The following ARID4A variants were observed in gnomAD, a reference collection of about 807,000 sequenced individuals.
ARID4A encodes AT-rich interactive domain-containing protein 4A.
ARID4A carries 39 observed loss-of-function variants against 148.6 expected under a neutral mutation model. That is an observed-to-expected ratio of 0.26 (90% confidence interval 0.20 to 0.34). The LOEUF is 0.34. ARID4A is among the 10% of genes least tolerant of loss of function. ARID4A has a pLI of 1.00. For missense variants in ARID4A, 1,265 were observed against 1,449.1 expected, an observed-to-expected ratio of 0.87 and a Z score of 2.06; for synonymous variants, 475 against 481.2, an observed-to-expected ratio of 0.99 and a Z score of 0.17.
Position 58,373,612 on chromosome 14 carries a change from CA to C in ARID4A, c.*1630del, listed in dbSNP as rs958468757. On this transcript the variant is annotated 3_prime_UTR_variant, in exon 24 of 24. Coordinates refer to ENST00000355431, the MANE Select transcript of ARID4A (RefSeq NM_002892.4). ...TTCCATTTTCTCAGAGAATTAAAAA[CA>C]AAAAAAGTACTCTTGTAAAATGCAC... 4 of 175,730 alleles carry C rather than the reference CA, an allele frequency of 2.3e-5. No homozygotes were observed. The highest frequency in any genetic ancestry group is 4.9e-5 in the Non-Finnish European group (4 of 81,614). 10.9% of individuals were successfully genotyped at this position (175,730 alleles called of 1,614,324 possible).
intron 7 of ARID4A, among the ~76,000 whole-genome samples, chr14:58,323,259 C>T (rs1024932258): frequency 1.3e-5 from 2 of 151,954 alleles, no homozygotes; most frequent in African/African-American, 4.8e-5. Flanking sequence ...AGTCTAAGCA[C>T]TCATTGATCT....
chr14:58,318,798 C>G lies in ARID4A; in HGVS notation c.442C>G (p.Leu148Val). 1 of 1,611,916 alleles carries G rather than the reference C, an allele frequency of 6.2e-7. No individual in the cohort carries two copies. Among genetic ancestry groups the G allele is most frequent in the South Asian group, 1.1e-5 (1 of 90,922 alleles). Residue 148 changes from leucine to valine, a missense_variant, in exon 7 of 24, where the codon CTT becomes GTT. This residue lies in a region of ARID4A where 249 missense variants were observed against 277.2 expected (regional missense o/e 0.90). Transcript: ENST00000355431. ...GACGAACAGAGGAAGGAGATCTTCT[C>G]TTCCTGTGTGAGTTTTTTCATATAT... Reference protein sequence around the residue: ...KKTNRGRRSSLPVTEDEKEEE... With the variant: ...KKTNRGRRSSVPVTEDEKEEE...
chr14:58,335,997 C>T (rs2033796096), intron 11 of ARID4A, among the ~76,000 whole-genome samples: 1 of 151,806 alleles, frequency 6.6e-6, no homozygotes, highest in African/African-American at 2.4e-5. Flanking sequence ...GTTCTCTGTA[C>T]TGGATCTACA....
chr14:58,335,423 C>T (rs1224376307), intron 11 of ARID4A, among the ~76,000 whole-genome samples: 1 of 151,620 alleles, frequency 6.6e-6, no homozygotes, highest in African/African-American at 2.4e-5. Context: ...AAGCAATTCT[C>T]CTGCCTCAGC....
Position 58,365,259 on chromosome 14 carries a change from C to T in ARID4A, c.3170C>T (p.Thr1057Ile), listed in dbSNP as rs765377635. The stretch of plus-strand genomic sequence containing the variant: ...TTTGAAACTAATGTTGCCTCTGGTA[C>T]CTGTAGTATAATTGTACAAGAGAGA... ...NGFETNVASG[T>I]CSIIVQERES... Residue 1057 changes from threonine (T) to isoleucine (I), a missense_variant, in exon 20 of 24, where the codon ACC becomes ATC. Physicochemically the swap from Thr to Ile is moderately conservative, Grantham distance 89. Transcript: ENST00000355431. The T allele has an allele frequency of 1.9e-5, 30 of 1,613,644 alleles. 1 individual carries two copies. In the South Asian group the frequency reaches 3.3e-4, roughly 18 times the overall value.
intron 7 of ARID4A, among the ~76,000 whole-genome samples, chr14:58,320,428 G>A (rs1442442763): frequency 6.6e-6 from 1 of 151,906 alleles, no homozygotes; most frequent in Non-Finnish European, 1.5e-5. Flanking sequence ...ATAATATATG[G>A]TTAATATTTC....
chr14:58,322,980 A>ATATATAT (rs1555359733), intron 7 of ARID4A, among the ~76,000 whole-genome samples: 1 of 114,314 alleles, frequency 8.7e-6, no homozygotes, highest in Non-Finnish European at 1.7e-5. Context: ...AAAAAAAAAA[A>ATATATAT]ATATATATAT....
At chr14:58,343,839 A>G (rs1208382414) in intron 11 of ARID4A, among the ~76,000 whole-genome samples, 1 of 152,106 alleles carries the variant, frequency 6.6e-6, no homozygotes, top group Non-Finnish European at 1.5e-5. Context: ...TCAAAAAAAA[A>G]AAAGACAAAA....
intron 1 of ARID4A, 58 bp from the exon 2 acceptor site, chr14:58,299,740 T>C: frequency 6.8e-7 from 1 of 1,470,508 alleles, no homozygotes; most frequent in Non-Finnish European, 9.5e-7. Context: ...TTCTTTCCCT[T>C]GGTCGCTCCC....
chr14:58,302,516 G>A (rs2031260904), intron 3 of ARID4A, among the ~76,000 whole-genome samples: 2 of 151,806 alleles, frequency 1.3e-5, no homozygotes, highest in South Asian at 2.1e-4. Context: ...AAATTAACCT[G>A]GCATGGTGGT....
At chr14:58,311,014 G>A in intron 5 of ARID4A, among the ~76,000 whole-genome samples, 1 of 152,186 alleles carries the variant, frequency 6.6e-6, no homozygotes, top group Non-Finnish European at 1.5e-5. Flanking sequence ...GGGAGGCCGA[G>A]ACAGGTGGTT....
At chr14:58,306,352 T>C (rs2031597646) in intron 5 of ARID4A, among the ~76,000 whole-genome samples, 1 of 152,222 alleles carries the variant, frequency 6.6e-6, no homozygotes, top group East Asian at 1.9e-4. Context: ...TAGGTTACTT[T>C]GATGTTTCTT....
intron 23 of ARID4A, among the ~76,000 whole-genome samples, chr14:58,371,309 G>A (rs1260236779): frequency 6.6e-6 from 1 of 152,156 alleles, no homozygotes; most frequent in Non-Finnish European, 1.5e-5. Flanking sequence ...CAAGGAAAGA[G>A]AAGATAAAAG....
At chr14:58,349,875 C>A (rs1461506024) in intron 15 of ARID4A, among the ~76,000 whole-genome samples, 1 of 152,036 alleles carries the variant, frequency 6.6e-6, no homozygotes, top group African/African-American at 2.4e-5. Context: ...CTTTGGTAGG[C>A]CGAGGCGGGC....
rs910173040 is a variant in ARID4A, at chr14:58,370,783, GT to G, written c.3671-1095del. The stretch of plus-strand genomic sequence containing the variant: ...GCCACCACACCCAGCTAATTTTTTA[GT>G]TTTTTTTGTAGAGGCATATTCTCAC... On this transcript the variant is annotated intron_variant, in intron 23 of 23. Transcript: ENST00000355431. 4.0e-5 allele frequency among the ~76,000 whole-genome samples: 6 copies of G among 148,608 alleles called. No homozygotes were observed. The East Asian group carries it at 9.9e-4, about 24-fold the overall frequency.
In ARID4A at chr14:58,360,065, C is replaced by CAA. The variant is rs11376633; in HGVS notation, c.1939-820_1939-819dup. ...TGGGCGACAGAGCAAGACTCCGTCT[C>CAA]AAAAAAAAAAAAAAAAATCTTGATT... On this transcript the variant is annotated intron_variant, in intron 18 of 23. Transcript: ENST00000355431. Among the ~76,000 whole-genome samples the CAA allele has an allele frequency of 9.9e-4, 118 of 118,666 alleles. 1 individual carries two copies. The highest frequency in any genetic ancestry group is 1.9e-3 in the South Asian group (7 of 3,648). The allele number at this position is 118,666 out of a possible 152,430, so 77.8% of individuals were successfully genotyped here.
At chr14:58,328,039 C>T (rs2033314167) in intron 8 of ARID4A, among the ~76,000 whole-genome samples, 198 bp from the exon 9 acceptor site, 5 of 152,072 alleles carry the variant, frequency 3.3e-5, no homozygotes, top group African/African-American at 1.2e-4. Context: ...TCTAGGCAAC[C>T]AATGTGCAGA....
intron 3 of ARID4A, among the ~76,000 whole-genome samples, 199 bp from the exon 4 acceptor site, chr14:58,304,745 T>C (rs1483092767): frequency 2.0e-5 from 3 of 152,092 alleles, no homozygotes; most frequent in Admixed American, 6.6e-5. Context: ...TTGCTAACTG[T>C]TGGGGATATA....
intron 23 of ARID4A, among the ~76,000 whole-genome samples, chr14:58,370,427 G>C (rs2035554479): frequency 6.6e-6 from 1 of 152,094 alleles, no homozygotes; most frequent in Non-Finnish European, 1.5e-5. Context: ...CTCCCGGGTA[G>C]CTGGGATTAC....
Sources: allele counts gnomAD v4.1 joint callset (sites outside exome capture counted in the v4.1 genomes callset), GRCh38; gene constraint gnomAD v4.1.1; regional missense constraint gnomAD v4.1.1; transcripts MANE v1.5; gene names NCBI Gene and HGNC (gene_info 2026-07-23, HGNC 2026-07-21).